PLEKHH2: variants seen among roughly 807,000 people sequenced by gnomAD.
The protein encoded by PLEKHH2 is pleckstrin homology domain-containing family H member 2.
A neutral mutation model predicts 187.9 loss-of-function variants in PLEKHH2; 129 were observed. The ratio of observed to expected loss-of-function variants is 0.69; its 90% confidence interval spans 0.59 to 0.79. The LOEUF (loss-of-function observed/expected upper bound fraction) is 0.79, where lower values mean the gene tolerates loss of function less well. Among genes scored for constraint, PLEKHH2 ranks in the 30% least tolerant of loss-of-function variants. The probability of loss-of-function intolerance (pLI) is 0.00; values close to 1 mark genes in which losing one functional copy is unlikely to be tolerated. For synonymous variants in PLEKHH2, 686 were observed against 605.6 expected (o/e 1.13, Z -1.95); for missense variants, 2,076 against 1,751.2 (o/e 1.19, Z -3.31).
At chr2:43,764,206 A>G in intron 28 of PLEKHH2, 22 bp from the exon 29 acceptor site, 1 of 1,358,918 alleles carries the variant, frequency 7.4e-7, no homozygotes, top group Non-Finnish European at 9.8e-7. Context: ...TATAACATAT[A>G]TACTTTTTCT....
chr2:43,681,746 G>T (rs1254411216), intron 3 of PLEKHH2: 1 of 465,702 alleles, frequency 2.1e-6, no homozygotes. Flanking sequence ...ACCCCATTCA[G>T]TTTCGGGTCT....
intron 2 of PLEKHH2, chr2:43,676,217 G>C: frequency 6.2e-7 from 1 of 1,614,012 alleles, no homozygotes. Flanking sequence ...TCTTGAGTTT[G>C]ACCTCTGTGT....
At position 43,747,145 on chromosome 2, in the gene PLEKHH2, G is replaced by A. The variant is rs148750723; in HGVS notation, c.3653+1182G>A. ...CTCTCTCTCTCTCTCGGTGTTCACC[G>A]AGCTTCAACTGTAAGGCCTATCACT... On this transcript the variant is annotated intron_variant, in intron 24 of 29. Transcript: ENST00000282406. Among the ~76,000 whole-genome samples, 32 of 138,824 alleles carry A rather than the reference G, an allele frequency of 2.3e-4. No individual in the cohort carries two copies. The East Asian group carries it at 6.6e-3, about 29-fold the overall frequency. The allele number at this position is 138,824 out of a possible 152,430, so 91.1% of individuals were successfully genotyped here. A position where few individuals can be genotyped will look rare whatever the true frequency, so the allele number is the denominator to read the frequency against.
At chr2:43,669,936 C>T (rs1461492652) in intron 2 of PLEKHH2, among the ~76,000 whole-genome samples, 1 of 152,008 alleles carries the variant, frequency 6.6e-6, no homozygotes, top group African/African-American at 2.4e-5. Flanking sequence ...AAAGAAGCCC[C>T]TGAAGAAAAC....
Position 43,699,800 on chromosome 2 carries a change from C to T in PLEKHH2, c.842C>T (p.Ala281Val), listed in dbSNP as rs1037215752. ...TDGGISQNSG[A>V]PVSDWSSDEE... Reference sequence around the variant, plus strand: ...GGTGGCATCTCCCAGAATTCTGGGGCTCCTGTGAGTGACTGGAGCTCTGAT... The same window carrying T: ...GGTGGCATCTCCCAGAATTCTGGGGTTCCTGTGAGTGACTGGAGCTCTGAT... Residue 281 changes from alanine to valine, a missense_variant, in exon 8 of 30, where the codon GCT becomes GTT. By Grantham distance (64) the Ala-to-Val change is moderately conservative (BLOSUM62 0). Coordinates refer to ENST00000282406, the MANE Select transcript of PLEKHH2 (RefSeq NM_172069.4). The T allele has an allele frequency of 1.2e-6, 2 of 1,611,486 alleles. No homozygotes were observed. Among genetic ancestry groups the T allele is most frequent in the East Asian group, 2.2e-5 (1 of 44,874 alleles).
intron 24 of PLEKHH2, among the ~76,000 whole-genome samples, chr2:43,749,489 A>G (rs1444160971): frequency 2.6e-5 from 4 of 152,248 alleles, no homozygotes; most frequent in African/African-American, 9.6e-5. Flanking sequence ...GGCCATGGTC[A>G]CACATATTTG....
intron 1 of PLEKHH2, among the ~76,000 whole-genome samples, chr2:43,638,882 C>T (rs1703240906): frequency 6.6e-6 from 1 of 152,100 alleles, no homozygotes. Flanking sequence ...GACCATTATC[C>T]AACCAATTTG....
At chr2:43,657,202 C>T (rs547898642) in intron 2 of PLEKHH2, among the ~76,000 whole-genome samples, 134 of 152,242 alleles carry the variant, frequency 8.8e-4, no homozygotes, top group African/African-American at 3.0e-3. Context: ...TGCGGGTGCT[C>T]GGACAGCTGG....
At chr2:43,691,601 G>A (rs983809405) in intron 3 of PLEKHH2, among the ~76,000 whole-genome samples, 37 of 152,216 alleles carry the variant, frequency 2.4e-4, no homozygotes, top group African/African-American at 8.2e-4. Flanking sequence ...GGTTTCACCA[G>A]GGACCTGCCC....
intron 3 of PLEKHH2, 146 bp downstream of exon 3, chr2:43,679,071 A>C (rs1668027528): frequency 2.0e-6 from 1 of 488,346 alleles, no homozygotes; most frequent in Non-Finnish European, 3.6e-6. Context: ...GAAAATGGAG[A>C]ATCTAACTCT....
intron 2 of PLEKHH2, among the ~76,000 whole-genome samples, chr2:43,666,268 C>G (rs1200233242): frequency 6.6e-6 from 1 of 151,118 alleles, no homozygotes; most frequent in Non-Finnish European, 1.5e-5. Context: ...TTCTTTGACT[C>G]GGAAAGGGAA....
chr2:43,705,623 G>C (rs947836660), intron 9 of PLEKHH2, among the ~76,000 whole-genome samples: 6 of 152,078 alleles, frequency 3.9e-5, no homozygotes, highest in African/African-American at 1.4e-4. Flanking sequence ...CAGTGGTTTT[G>C]GTTTTGGTTT....
At chr2:43,745,372 A>G (rs1216898339) in intron 23 of PLEKHH2, among the ~76,000 whole-genome samples, 1 of 152,174 alleles carries the variant, frequency 6.6e-6, no homozygotes, top group Non-Finnish European at 1.5e-5. Flanking sequence ...CCTTAGAGAA[A>G]TAATGCACTT....
At chr2:43,671,577 G>A (rs947807341) in intron 2 of PLEKHH2, among the ~76,000 whole-genome samples, 1 of 152,166 alleles carries the variant, frequency 6.6e-6, no homozygotes, top group African/African-American at 2.4e-5. Flanking sequence ...CATTGAGTAT[G>A]ATGTTAGTTA....
In PLEKHH2 at chr2:43,729,649, TATC is replaced by T; in HGVS notation, c.2738_2740del (p.His913del). The T allele has an allele frequency of 6.3e-7, 1 of 1,597,434 alleles. No individual in the cohort carries two copies. The highest frequency in any genetic ancestry group is 8.5e-7 in the Non-Finnish European group (1 of 1,174,178). ...TTCTGGTTTTAAGGACACTTGGCTTTATCATCTGACTGTTGCAGCTGGAAGCAA... is the reference window on the plus strand; with the variant it reads ...TTCTGGTTTTAAGGACACTTGGCTTTATCTGACTGTTGCAGCTGGAAGCAA... On this transcript the variant is annotated inframe_deletion, in exon 18 of 30. Coordinates refer to ENST00000282406, the MANE Select transcript of PLEKHH2 (RefSeq NM_172069.4).
At chr2:43,743,309 G>T (rs1330717691) in intron 22 of PLEKHH2, among the ~76,000 whole-genome samples, 2 of 152,024 alleles carry the variant, frequency 1.3e-5, no homozygotes, top group African/African-American at 4.8e-5. Flanking sequence ...ACTTCACTGG[G>T]CCCTTCCAGT....
chr2:43,754,729 C>G (rs761135024), intron 25 of PLEKHH2, among the ~76,000 whole-genome samples: 1 of 152,192 alleles, frequency 6.6e-6, no homozygotes, highest in Non-Finnish European at 1.5e-5. Context: ...TCCCCAGGGT[C>G]TTTGGCCTAT....
chr2:43,758,138 G>A (rs186904246), intron 26 of PLEKHH2, among the ~76,000 whole-genome samples: 2 of 152,308 alleles, frequency 1.3e-5, no homozygotes, highest in East Asian at 3.9e-4. Context: ...TAGAATAAGT[G>A]CTTGCCTTTG....
chr2:43,751,904 A>G (rs1032865199), intron 24 of PLEKHH2, among the ~76,000 whole-genome samples: 1 of 149,616 alleles, frequency 6.7e-6, no homozygotes, highest in Non-Finnish European at 1.5e-5. Context: ...GTTCATGTCC[A>G]GTATTGTTTC....
Sources: allele counts gnomAD v4.1 joint callset (sites outside exome capture counted in the v4.1 genomes callset), GRCh38; gene constraint gnomAD v4.1.1; transcripts MANE v1.5; gene names NCBI Gene and HGNC (gene_info 2026-07-23, HGNC 2026-07-21).